CHRNA3: variants seen among roughly 807,000 people sequenced by gnomAD.
CHRNA3 encodes neuronal acetylcholine receptor subunit alpha-3.
Under a neutral mutation model 41.9 loss-of-function variants are expected in CHRNA3, and 34 were observed. The ratio of observed to expected loss-of-function variants is 0.81; its 90% CI spans 0.62 to 1.08. The LOEUF (loss-of-function observed/expected upper bound fraction) is 1.08. Among genes scored for constraint, CHRNA3 ranks in the 50% least tolerant of loss-of-function variants. The probability of loss-of-function intolerance (pLI) is 0.00; values close to 1 mark genes in which losing one functional copy is unlikely to be tolerated. For missense variants in CHRNA3, 542 were observed against 638.3 expected (o/e 0.85, Z 1.63); for synonymous variants, 281 against 265.2 (o/e 1.06, Z -0.58).
chr15:78,595,947 T>TG lies in CHRNA3; in HGVS notation c.*656dup. The stretch of plus-strand genomic sequence containing the variant: ...ACCAAATTTGCTGGTGCCTTGACCT[T>TG]GGACCTCCCAACCTCCAAAACTGAG... On this transcript the variant is annotated 3_prime_UTR_variant, in exon 6 of 6. Transcript: ENST00000326828. 1.6e-6 allele frequency: 1 copy of TG among 644,192 alleles called. No homozygotes were observed. The highest frequency in any genetic ancestry group is 1.9e-6 in the Non-Finnish European group (1 of 519,720). 39.9% of individuals were successfully genotyped at this position (644,192 alleles called of 1,614,324 possible).
intron 4 of CHRNA3, among the ~76,000 whole-genome samples, chr15:78,613,778 A>AAAAC (rs2053420794): frequency 1.7e-4 from 21 of 126,412 alleles, no homozygotes; most frequent in Non-Finnish European, 2.3e-4. Flanking sequence ...AAAAAAAACC[A>AAAAC]AAAAAAACCA....
intron 4 of CHRNA3, among the ~76,000 whole-genome samples, chr15:78,602,491 CCCAGGGCAGGCCA>C (rs2053221754): frequency 4.6e-5 from 7 of 152,170 alleles, no homozygotes; most frequent in Admixed American, 4.6e-4. Context: ...CACTCCCTGC[CCCAGGGCAGGCCA>C]CCAGTTCATC....
At chr15:78,619,191 C>A (rs1275153328) in intron 1 of CHRNA3, 1 of 508,474 alleles carries the variant, frequency 2.0e-6, no homozygotes, top group Admixed American at 3.5e-5. Context: ...CAAATCCTGA[C>A]AAATCACTTG....
chr15:78,606,286 A>C (rs1030754870), intron 4 of CHRNA3, among the ~76,000 whole-genome samples: 1 of 150,020 alleles, frequency 6.7e-6, no homozygotes, highest in East Asian at 1.9e-4. Flanking sequence ...AGATCATGCC[A>C]TTGCACTCCA....
Position 78,620,742 on chromosome 15 carries a change from AGCAGCC to A in CHRNA3, c.47_52del (p.Arg16_Leu17del). ...CAGCAGAGACAGCAGCAGCAGCAGC[AGCAGCC>A]GCGGCGGCGACAGCGCCAGGGGCAG... On this transcript the variant is annotated inframe_deletion, in exon 1 of 6. Transcript: ENST00000326828. 6.7e-7 allele frequency: 1 copy of A among 1,499,916 alleles called. No homozygotes were observed. Among genetic ancestry groups the A allele is most frequent in the Admixed American group, 2.1e-5 (1 of 47,846 alleles). The allele number at this position is 1,499,916 out of a possible 1,614,324, so 92.9% of individuals were successfully genotyped here. A position where few individuals can be genotyped will look rare whatever the true frequency, so the allele number is the denominator to read the frequency against.
At chr15:78,619,906 G>C (rs1366562179) in intron 1 of CHRNA3, 3 of 152,292 alleles carry the variant, frequency 2.0e-5, no homozygotes, top group African/African-American at 4.8e-5. Context: ...GCAGGAGGTC[G>C]GTTGAGAGCG....
chr15:78,601,133 C>T (rs1302993227), intron 5 of CHRNA3, 120 bp downstream of exon 5: 2 of 916,924 alleles, frequency 2.2e-6, no homozygotes, highest in Non-Finnish European at 3.4e-6. Context: ...GGTCTTAACA[C>T]AGGCCACTGA....
chr15:78,620,988 A>C lies in CHRNA3; in HGVS notation c.-194T>G. ...TCGGACCCGCGGGAGGACAGGAACC[A>C]TCCGGAGTGAAGCTGCGCCAGGCGC... On this transcript the variant is annotated 5_prime_UTR_variant, in exon 1 of 6. It removes an upstream start codon present in the reference 5' UTR. Transcript: ENST00000326828. 3 of 533,932 alleles carry C rather than the reference A, an allele frequency of 5.6e-6. No individual in the cohort carries two copies. The highest frequency in any genetic ancestry group is 7.8e-6 in the Non-Finnish European group (3 of 384,104). 33.1% of individuals were successfully genotyped at this position (533,932 alleles called of 1,614,324 possible). A position where few individuals can be genotyped will look rare whatever the true frequency, so the allele number is the denominator to read the frequency against.
chr15:78,615,579 A>G (rs943944547), intron 4 of CHRNA3, among the ~76,000 whole-genome samples: 2 of 152,148 alleles, frequency 1.3e-5, no homozygotes, highest in Admixed American at 1.3e-4. Flanking sequence ...GCTTTGTGAA[A>G]ACACCCATTC....
intron 4 of CHRNA3, among the ~76,000 whole-genome samples, chr15:78,606,771 C>T (rs933329838): frequency 1.3e-5 from 2 of 151,892 alleles, no homozygotes; most frequent in African/African-American, 2.4e-5. Context: ...TGGTGGTGGG[C>T]ACCTGTAGTC....
intron 4 of CHRNA3, among the ~76,000 whole-genome samples, chr15:78,604,493 T>TG (rs1364931040): frequency 6.6e-6 from 1 of 152,218 alleles, no homozygotes; most frequent in African/African-American, 2.4e-5. Context: ...GCTTGGCTGA[T>TG]GGCTCATTTC....
intron 3 of CHRNA3, chr15:78,618,368 G>A: frequency 1.9e-6 from 1 of 540,142 alleles, no homozygotes; most frequent in Non-Finnish European, 3.3e-6. Context: ...CATGGAGAAT[G>A]TCTTTCTCCA....
In CHRNA3 at chr15:78,617,152, G is replaced by A. The variant is rs1264240297; in HGVS notation, c.268-19C>T. On this transcript the variant is annotated intron_variant, in intron 3 of 5. Coordinates refer to ENST00000326828, the MANE Select transcript of CHRNA3 (RefSeq NM_000743.5). ...TCCAGATCTCGGGGAAGGAAGCAGG[G>A]AGGGAGAAGGAGACGGTAAAAGAAT... The A allele has an allele frequency of 2.0e-6, 3 of 1,512,056 alleles. No homozygotes were observed. The African/African-American group carries it at 4.1e-5, about 21-fold the overall frequency. 93.7% of individuals were successfully genotyped at this position (1,512,056 alleles called of 1,614,324 possible).
rs749747912 is a variant in CHRNA3, at chr15:78,618,880, C to T, written c.118G>A (p.Glu40Lys). The T allele has an allele frequency of 1.2e-6, 2 of 1,613,926 alleles. No homozygotes were observed. The highest frequency in any genetic ancestry group is 1.1e-5 in the South Asian group (1 of 91,068). Residue 40 changes from glutamate (E) to lysine (K), a missense_variant, in exon 2 of 6, where the codon GAG (glutamate) becomes AAG (lysine). Physicochemically the swap from Glu to Lys is moderately conservative, Grantham distance 56. Coordinates refer to ENST00000326828, the MANE Select transcript of CHRNA3 (RefSeq NM_000743.5). ...TCATTGTAATCTTCAAACAGCCGCTCAAATAGACGGTGCTCAGCCTCTGAG... is the reference window on the plus strand; with the variant it reads ...TCATTGTAATCTTCAAACAGCCGCTTAAATAGACGGTGCTCAGCCTCTGAG... The part of the protein sequence containing the change: ...RASEAEHRLF[E>K]RLFEDYNEII...
chr15:78,618,622 T>C lies in CHRNA3; in HGVS notation c.262A>G (p.Lys88Glu), dbSNP rs768500644. 1 of 1,614,134 alleles carries C rather than the reference T, an allele frequency of 6.2e-7. No homozygotes were observed. The change falls in exon 3 of 6, where the codon AAG (lysine) becomes GAG (glutamate). Residue 88 changes from lysine to glutamate, a missense_variant. Coordinates refer to ENST00000326828, the MANE Select transcript of CHRNA3 (RefSeq NM_000743.5). ...CCTAGGGTCTGGTCACTTACTTGCT[T>C]GAGCCACAGGTTGGTCTCCATGATC... The part of the protein sequence containing the change: ...NQIMETNLWL[K>E]QIWNDYKLKW...
chr15:78,595,942 G>T lies in CHRNA3; in HGVS notation c.*662C>A. 1 of 565,816 alleles carries T rather than the reference G, an allele frequency of 1.8e-6. No homozygotes were observed. The highest frequency in any genetic ancestry group is 2.2e-6 in the Non-Finnish European group (1 of 447,900). The allele number at this position is 565,816 out of a possible 1,614,324, so 35.0% of individuals were successfully genotyped here. ...CAGACACCAAATTTGCTGGTGCCTT[G>T]ACCTTGGACCTCCCAACCTCCAAAA... is the stretch of plus-strand genomic sequence containing the variant. On this transcript the variant is annotated 3_prime_UTR_variant, in exon 6 of 6. Transcript: ENST00000326828.
Position 78,611,189 on chromosome 15 carries a change from GAA to G in CHRNA3, c.377+5833_377+5834del, listed in dbSNP as rs1287041602. ...CCTTCTGAAACTATTCCAATCAATA[GAA>G]AAAGAGGGAATCCTCCCTAACTCAT... On this transcript the variant is annotated intron_variant, in intron 4 of 5. Coordinates refer to ENST00000326828, the MANE Select transcript of CHRNA3 (RefSeq NM_000743.5). 7.2e-5 allele frequency among the ~76,000 whole-genome samples: 11 copies of G among 152,294 alleles called. No individual in the cohort carries two copies. In the East Asian group the frequency reaches 2.1e-3, roughly 29 times the overall value.
intron 5 of CHRNA3, 24 bp from the exon 6 acceptor site, chr15:78,596,756 A>G (rs2053119156): frequency 1.3e-6 from 2 of 1,590,368 alleles, no homozygotes; most frequent in Non-Finnish European, 8.5e-7. Flanking sequence ...TGATAAAAGA[A>G]AAAAAACATG....
intron 4 of CHRNA3, among the ~76,000 whole-genome samples, chr15:78,609,225 G>A (rs2053344961): frequency 1.3e-5 from 2 of 152,056 alleles, no homozygotes; most frequent in Non-Finnish European, 2.9e-5. Flanking sequence ...GAAATACAGA[G>A]AATGCCACAA....
Sources: gnomAD v4.1 joint callset for allele counts (sites outside exome capture counted in the v4.1 genomes callset) on GRCh38, gnomAD v4.1.1 for gene constraint, MANE v1.5 for transcripts, NCBI Gene and HGNC (gene_info 2026-07-23, HGNC 2026-07-21) for gene names.